ANKRD45: variants seen among roughly 807,000 people sequenced by gnomAD.
ANKRD45 encodes the protein ankyrin repeat domain 45, also known as ankyrin repeat domain-containing protein 45.
Under a neutral mutation model 28.1 loss-of-function variants are expected in ANKRD45, and 21 were observed. The observed-to-expected ratio is 0.75, with a 90% confidence interval of 0.53 to 1.08. The LOEUF is 1.08. Ranked by LOEUF, ANKRD45 falls within the 50% of genes least tolerant of loss-of-function variation. The pLI is 0.00. For synonymous variants in ANKRD45, 86 were observed against 103.9 expected, an observed-to-expected ratio of 0.83 and a Z score of 1.05; for missense variants, 261 against 308.7, an observed-to-expected ratio of 0.85 and a Z score of 1.16.
At chr1:173,672,682 C>A (rs1670294815), upstream of ANKRD45, among the ~76,000 whole-genome samples, 1 of 152,176 alleles carries the variant, frequency 6.6e-6, no homozygotes, top group Non-Finnish European at 1.5e-5. Context: ...AGGTCAGAAA[C>A]AGCTGCGTGA....
the ANKRD45 span, among the ~76,000 whole-genome samples, chr1:173,694,061 G>A: frequency 6.6e-6 from 1 of 152,310 alleles, no homozygotes; most frequent in South Asian, 2.1e-4. Context: ...GTATCCCAGG[G>A]AAATAGCACT....
intron 2 of ANKRD45, among the ~76,000 whole-genome samples, chr1:173,648,368 C>A (rs925387086): frequency 5.9e-5 from 9 of 152,154 alleles, no homozygotes; most frequent in African/African-American, 2.2e-4. Flanking sequence ...ACCACCACAC[C>A]CAGCCACTCT....
At chr1:173,656,079 C>T (rs1669496585) in intron 2 of ANKRD45, among the ~76,000 whole-genome samples, 1 of 152,212 alleles carries the variant, frequency 6.6e-6, no homozygotes, top group Admixed American at 6.5e-5. Flanking sequence ...CGATGCCCTG[C>T]CCTGCTTTGG....
At chr1:173,661,140 A>T (rs1344365792) in intron 1 of ANKRD45, among the ~76,000 whole-genome samples, 1 of 151,906 alleles carries the variant, frequency 6.6e-6, no homozygotes. Context: ...AACACTACAC[A>T]GAAAAAAAAG....
the ANKRD45 span, among the ~76,000 whole-genome samples, chr1:173,675,959 A>G: frequency 2.0e-5 from 3 of 152,206 alleles, no homozygotes; most frequent in African/African-American, 7.2e-5. Flanking sequence ...TCAAATACCT[A>G]TGAGTTGTGA....
chr1:173,625,024 T>C, intron 4 of ANKRD45, 99 bp from the exon 5 acceptor site: 1 of 1,263,206 alleles, frequency 7.9e-7, no homozygotes, highest in Non-Finnish European at 1.1e-6. Context: ...CTTTCTGTGA[T>C]GATAGAAATA....
chr1:173,665,705 T>A (rs1376083555), intron 1 of ANKRD45, among the ~76,000 whole-genome samples: 1 of 152,050 alleles, frequency 6.6e-6, no homozygotes, highest in African/African-American at 2.4e-5. Context: ...AAATTAATAT[T>A]TATATTGGAA....
chr1:173,618,521 C>T (rs570591066), intron 5 of ANKRD45, among the ~76,000 whole-genome samples: 33 of 151,760 alleles, frequency 2.2e-4, no homozygotes, highest in South Asian at 1.5e-3. Flanking sequence ...GAAGAACAGA[C>T]GAAGAGGAGG....
chr1:173,681,549 G>T, the ANKRD45 span, among the ~76,000 whole-genome samples: 69 of 152,232 alleles, frequency 4.5e-4, no homozygotes, highest in South Asian at 1.0e-3. Context: ...TAGGCATGCC[G>T]ATAGAAGTAC....
chr1:173,635,513 C>T, intron 3 of ANKRD45: 1 of 1,481,608 alleles, frequency 6.7e-7, no homozygotes. Context: ...TTTCAATTGA[C>T]AAAGAAGGAT....
the ANKRD45 span, among the ~76,000 whole-genome samples, chr1:173,684,735 A>C: frequency 6.6e-5 from 10 of 152,330 alleles, no homozygotes; most frequent in South Asian, 2.1e-3. Context: ...ATCATGAGGC[A>C]AACTCCTCCG....
chr1:173,706,591 G>A, the ANKRD45 span, among the ~76,000 whole-genome samples: 6 of 151,872 alleles, frequency 4.0e-5, no homozygotes, highest in Admixed American at 6.6e-5. Flanking sequence ...TGCCCACCTC[G>A]GCCTCCCAAA....
chr1:173,626,648 A>G (rs1360237735), intron 4 of ANKRD45, among the ~76,000 whole-genome samples: 1 of 151,818 alleles, frequency 6.6e-6, no homozygotes, highest in Non-Finnish European at 1.5e-5. Context: ...AGAGATAACT[A>G]TGATCTGTGC....
At chr1:173,655,030 G>A (rs949574590) in intron 2 of ANKRD45, among the ~76,000 whole-genome samples, 1 of 152,070 alleles carries the variant, frequency 6.6e-6, no homozygotes, top group Non-Finnish European at 1.5e-5. Flanking sequence ...GCTTCCTTGC[G>A]ATGGGTTCAA....
the ANKRD45 span, among the ~76,000 whole-genome samples, chr1:173,706,078 G>A: frequency 6.6e-6 from 1 of 152,050 alleles, no homozygotes; most frequent in Non-Finnish European, 1.5e-5. Context: ...GCCGAGGCGG[G>A]TGGATCACAA....
chr1:173,694,039 G>A, the ANKRD45 span, among the ~76,000 whole-genome samples: 5 of 152,178 alleles, frequency 3.3e-5, no homozygotes, highest in Admixed American at 6.5e-5. Flanking sequence ...TGGTTGGAGC[G>A]GGAAAGGAGG....
the ANKRD45 span, among the ~76,000 whole-genome samples, chr1:173,680,970 G>C: frequency 2.9e-4 from 44 of 151,468 alleles, no homozygotes; most frequent in Middle Eastern, 0.017. Flanking sequence ...GATGGTGGGT[G>C]GGGGGGAGGC....
chr1:173,682,933 G>T, the ANKRD45 span, among the ~76,000 whole-genome samples: 17 of 138,172 alleles, frequency 1.2e-4, no homozygotes, highest in African/African-American at 5.3e-4. Context: ...AAAAAATCTT[G>T]CCTCTCTCTT....
the ANKRD45 span, among the ~76,000 whole-genome samples, chr1:173,694,460 G>C: frequency 6.6e-6 from 1 of 151,696 alleles, no homozygotes; most frequent in Non-Finnish European, 1.5e-5. Context: ...CACTGTGCCT[G>C]GCCAGAATTT....
Sources: allele counts gnomAD v4.1 joint callset (sites outside exome capture counted in the v4.1 genomes callset), GRCh38; gene constraint gnomAD v4.1.1; transcripts MANE v1.5; gene names NCBI Gene and HGNC (gene_info 2026-07-23, HGNC 2026-07-21).